Variants in FAM151A observed in about 807,000 individuals in gnomAD.
FAM151A encodes protein FAM151A.
A neutral mutation model predicts 40.4 loss-of-function variants in FAM151A; 41 were observed. The observed-to-expected ratio is 1.01, with a 90% CI of 0.79 to 1.32. The LOEUF (loss-of-function observed/expected upper bound fraction) is 1.32. Ranked by LOEUF, FAM151A falls within the 40% of genes most tolerant of loss-of-function variation. The pLI, the probability that FAM151A is intolerant of heterozygous loss-of-function variation, is 0.00. For missense variants in FAM151A, 740 were observed against 740.4 expected, an observed-to-expected ratio of 1.00 and a Z score of 0.01; for synonymous variants, 337 against 312.5, an observed-to-expected ratio of 1.08 and a Z score of -0.83.
rs114566617 is a variant in FAM151A at position 54,623,490 on chromosome 1, G to A, written c.-95C>T. The A allele has an allele frequency of 0.012, 10,510 of 879,590 alleles. 102 individuals carry two copies. The highest frequency in any genetic ancestry group is 0.015 in the Non-Finnish European group (7,788 of 534,146). 54.5% of individuals were successfully genotyped at this position (879,590 alleles called of 1,614,324 possible). ...ATCCTGTGGGAGGCAGGAGCTCCCA[G>A]CAGCACCTAATTCTCCACCGGGCCT... On this transcript the variant is annotated 5_prime_UTR_variant, in exon 1 of 8. Coordinates refer to ENST00000302250, the MANE Select transcript of FAM151A (RefSeq NM_176782.3).
intron 2 of FAM151A, among the ~76,000 whole-genome samples, chr1:54,618,429 T>A (rs1281341118): frequency 1.3e-5 from 2 of 152,076 alleles, no homozygotes; most frequent in African/African-American, 2.4e-5. Context: ...CACTTGAACC[T>A]GGGAGGTGGA....
chr1:54,620,458 C>A (rs1463092748), intron 1 of FAM151A, among the ~76,000 whole-genome samples: 1 of 152,230 alleles, frequency 6.6e-6, no homozygotes, highest in African/African-American at 2.4e-5. Context: ...GTAATCCCAG[C>A]ACTTTGGGAG....
chr1:54,615,795 T>C (rs1644166833), intron 3 of FAM151A, among the ~76,000 whole-genome samples: 1 of 152,098 alleles, frequency 6.6e-6, no homozygotes. Flanking sequence ...CTGCCGGCTG[T>C]CTCCCCTCTG....
rs1569791579 is a variant in FAM151A, at chr1:54,616,091, T to G, written c.344A>C (p.His115Pro). 1 of 1,613,856 alleles carries G rather than the reference T, an allele frequency of 6.2e-7. No individual in the cohort carries two copies. Among genetic ancestry groups the G allele is most frequent in the Non-Finnish European group, 8.5e-7 (1 of 1,179,952 alleles). Residue 115 changes from histidine to proline, a missense_variant, in exon 3 of 8, where the codon CAC becomes CCC. His to Pro is a moderately conservative substitution (Grantham distance 77, BLOSUM62 -2). Coordinates refer to ENST00000302250, the MANE Select transcript of FAM151A (RefSeq NM_176782.3). ...GTTGTCACTGTAGATAGTGGGGGGG[T>G]GTGCCATGATGGGAACTCCTGTCTC... ...ANETGVPIMA[H>P]PPTIYSDNTL...
intron 1 of FAM151A, among the ~76,000 whole-genome samples, chr1:54,623,044 C>T (rs1471448321): frequency 4.6e-5 from 7 of 151,844 alleles, no homozygotes; most frequent in East Asian, 3.9e-4. Context: ...GGCGTGGTGG[C>T]GGGTGCCTGT....
At chr1:54,610,119 C>G in intron 7 of FAM151A, 178 bp from the exon 8 acceptor site, 1 of 1,433,894 alleles carries the variant, frequency 7.0e-7, no homozygotes, top group Non-Finnish European at 9.1e-7. Context: ...GTGCCTGGTG[C>G]ATGAGAAACT....
intron 1 of FAM151A, chr1:54,621,756 A>G (rs1249214185): frequency 6.6e-6 from 1 of 152,564 alleles, no homozygotes; most frequent in Non-Finnish European, 1.5e-5. Context: ...ACTGAGGAAC[A>G]CAGGCATGAG....
intron 1 of FAM151A, among the ~76,000 whole-genome samples, chr1:54,623,060 C>G (rs1259715197): frequency 2.0e-5 from 3 of 151,968 alleles, no homozygotes; most frequent in Admixed American, 2.0e-4. Context: ...CCTGTAATCC[C>G]AGCTACTCGG....
intron 2 of FAM151A, among the ~76,000 whole-genome samples, chr1:54,617,925 C>G (rs1336172376): frequency 4.0e-5 from 6 of 150,870 alleles, no homozygotes; most frequent in Non-Finnish European, 1.5e-5. Context: ...TGCGGTTTCA[C>G]CATATCAGTC....
chr1:54,611,750 GGA>G lies in FAM151A; in HGVS notation c.801-7_801-6del. 6.2e-7 allele frequency: 1 copy of G among 1,613,990 alleles called. No homozygotes were observed. Among genetic ancestry groups the G allele is most frequent in the East Asian group, 2.2e-5 (1 of 44,858 alleles). On this transcript the variant is annotated splice_region_variant and splice_polypyrimidine_tract_variant and intron_variant, in intron 5 of 7. Transcript: ENST00000302250. ...TGCCACAGCGTCAGGCTGTACCTGGGGACACGAGAGCTGGCTCAGTGCCTGTC... is the reference window on the plus strand; with the variant it reads ...TGCCACAGCGTCAGGCTGTACCTGGGCACGAGAGCTGGCTCAGTGCCTGTC...
At chr1:54,617,461 TAA>T (rs35936174) in intron 2 of FAM151A, among the ~76,000 whole-genome samples, 1,828 of 133,918 alleles carry the variant, frequency 0.014, 36 homozygotes, top group African/African-American at 0.043. Context: ...CACTTTCTGT[TAA>T]AAAAAAAAAA....
chr1:54,612,601 C>G lies in FAM151A; in HGVS notation c.685G>C (p.Glu229Gln), dbSNP rs760842076. 2 of 1,611,320 alleles carry G rather than the reference C, an allele frequency of 1.2e-6. No individual in the cohort carries two copies. Among genetic ancestry groups the G allele is most frequent in the Non-Finnish European group, 1.7e-6 (2 of 1,177,436 alleles). The stretch of plus-strand genomic sequence containing the variant: ...CCTCCCACCAGCTCGTGCATCTTCT[C>G]CACCATGGCTTGGGTGTACGTCCTG... ...PNRTYTQAMV[E>Q]KMHELVGGVP... Residue 229 changes from glutamate to glutamine, a missense_variant, in exon 5 of 8, where the codon GAG becomes CAG. Coordinates refer to ENST00000302250, the MANE Select transcript of FAM151A (RefSeq NM_176782.3).
Position 54,620,845 on chromosome 1 carries a change from C to CAAAA in FAM151A, c.119-842_119-839dup, listed in dbSNP as rs767625864. Among the ~76,000 whole-genome samples, 26 of 12,124 alleles carry CAAAA rather than the reference C, an allele frequency of 2.1e-3. 2 individuals are homozygous for CAAAA. The highest frequency in any genetic ancestry group is 4.4e-3 in the Admixed American group (3 of 676). 8.0% of individuals were successfully genotyped at this position (12,124 alleles called of 152,430 possible). On this transcript the variant is annotated intron_variant, in intron 1 of 7. Transcript: ENST00000302250. ...CCTGGATGACACAAAGAGACTCTGTCAAAAAAAAAAAAAAAAAAAAAAAAA... is the reference window on the plus strand; with the variant it reads ...CCTGGATGACACAAAGAGACTCTGTCAAAAAAAAAAAAAAAAAAAAAAAAAAAAA...
chr1:54,610,799 C>T, intron 6 of FAM151A: 1 of 984,778 alleles, frequency 1.0e-6, no homozygotes, highest in Non-Finnish European at 1.2e-6. Flanking sequence ...GGCTCCAGAG[C>T]TGGTATCCTT....
chr1:54,615,999 G>T (rs779126139), intron 3 of FAM151A, 21 bp downstream of exon 3: 6 of 1,612,118 alleles, frequency 3.7e-6, no homozygotes, highest in African/African-American at 1.3e-5. Flanking sequence ...GGCCGGAGAG[G>T]GTTTCCAGAG....
intron 5 of FAM151A, among the ~76,000 whole-genome samples, 156 bp downstream of exon 5, chr1:54,612,330 G>A (rs958877421): frequency 1.3e-5 from 2 of 151,736 alleles, no homozygotes; most frequent in Admixed American, 6.6e-5. Flanking sequence ...GTCACCAGAG[G>A]TATGCAAGCA....
At position 54,616,222 on chromosome 1, in the gene FAM151A, ACTT is replaced by A. The variant is rs781193236; in HGVS notation, c.263-53_263-51del. 3.3e-6 allele frequency: 5 copies of A among 1,506,360 alleles called. No homozygotes were observed. In the African/African-American group the frequency reaches 7.0e-5, roughly 21 times the overall value. The allele number at this position is 1,506,360 out of a possible 1,614,324, so 93.3% of individuals were successfully genotyped here. A position where few individuals can be genotyped will look rare whatever the true frequency, so the allele number is the denominator to read the frequency against. ...GAGTTCCTTTTTTTAAAAAAAGAAA[ACTT>A]CTTTCTCATCATAAAAGCATTACAA... On this transcript the variant is annotated intron_variant, in intron 2 of 7. Transcript: ENST00000302250.
intron 1 of FAM151A, among the ~76,000 whole-genome samples, chr1:54,621,231 C>T (rs1644227512): frequency 6.6e-6 from 1 of 150,596 alleles, no homozygotes; most frequent in African/African-American, 2.4e-5. Flanking sequence ...CCGAGGCAGG[C>T]GGATCACCTG....
intron 4 of FAM151A, among the ~76,000 whole-genome samples, chr1:54,613,036 T>C (rs1472108924): frequency 6.6e-6 from 1 of 151,954 alleles, no homozygotes; most frequent in Non-Finnish European, 1.5e-5. Flanking sequence ...CGTGTGGGAA[T>C]CTGAGCTCTG....
Sources: gnomAD v4.1 joint callset for allele counts (sites outside exome capture counted in the v4.1 genomes callset) on GRCh38, gnomAD v4.1.1 for gene constraint, MANE v1.5 for transcripts, NCBI Gene and HGNC (gene_info 2026-07-23, HGNC 2026-07-21) for gene names.